NECTIN1: variants seen among roughly 807,000 people sequenced by gnomAD.
The protein encoded by NECTIN1 is nectin-1.
NECTIN1 carries 23 observed loss-of-function variants against 48.0 expected under a neutral mutation model. The observed-to-expected ratio is 0.48, with a 90% confidence interval of 0.34 to 0.68. The LOEUF is 0.68. NECTIN1 is among the 30% of genes least tolerant of loss of function. NECTIN1 has a pLI of 0.01. For synonymous variants in NECTIN1, 270 were observed against 288.9 expected, an observed-to-expected ratio of 0.93 and a Z score of 0.66; for missense variants, 591 against 709.9, an observed-to-expected ratio of 0.83 and a Z score of 1.90.
rs1394055905 is a variant in NECTIN1, at chr11:119,677,163, C to T, written c.790G>A (p.Asp264Asn). 6.2e-7 allele frequency: 1 copy of T among 1,614,028 alleles called. No homozygotes were observed. Among genetic ancestry groups the T allele is most frequent in the Admixed American group, 1.7e-5 (1 of 59,998 alleles). ...TCAGCTTTGCAGGTGAGCTTCACGTCCATCCGCTGCAGGTACCAGTTGCCA... is the reference window on the plus strand; with the variant it reads ...TCAGCTTTGCAGGTGAGCTTCACGTTCATCCGCTGCAGGTACCAGTTGCCA... ...FDGNWYLQRM[D>N]VKLTCKADAN... Residue 264 changes from aspartate (D) to asparagine (N), a missense_variant, in exon 4 of 6, where the codon GAC becomes AAC. Transcript: ENST00000264025. This position sits in a 1 kb window ranked among gnomAD's most constrained non-coding sequence, Gnocchi z 5.4.
At chr11:119,717,057 T>A (rs1591487341) in intron 1 of NECTIN1, among the ~76,000 whole-genome samples, 1 of 152,104 alleles carries the variant, frequency 6.6e-6, no homozygotes, top group Non-Finnish European at 1.5e-5. Context: ...TGAGAGAGGG[T>A]AATGGGGATA....
chr11:119,674,401 A>G, intron 5 of NECTIN1: 2 of 1,514,914 alleles, frequency 1.3e-6, no homozygotes, highest in Non-Finnish European at 1.8e-6. Context: ...ATAATCACGG[A>G]ACATTGGCCA....
At chr11:119,658,671 A>C (rs1308603847), downstream of NECTIN1, among the ~76,000 whole-genome samples, 1 of 152,060 alleles carries the variant, frequency 6.6e-6, no homozygotes, top group Admixed American at 6.6e-5. Flanking sequence ...GCCCCATCTG[A>C]CTCCGACAAC....
chr11:119,699,903 T>C (rs4533046), intron 1 of NECTIN1, among the ~76,000 whole-genome samples: 150,030 of 152,260 alleles, frequency 0.99, 73,947 homozygotes, highest in Middle Eastern at 1. Flanking sequence ...GCTTTCCAGG[T>C]CTAGCTCTGT....
chr11:119,668,847 G>A (rs906689763), intron 5 of NECTIN1, among the ~76,000 whole-genome samples: 1 of 152,190 alleles, frequency 6.6e-6, no homozygotes, highest in African/African-American at 2.4e-5. Flanking sequence ...TCTTCTGCAG[G>A]AATGAGGACA....
intron 1 of NECTIN1, among the ~76,000 whole-genome samples, chr11:119,705,374 A>T (rs538236127): frequency 6.6e-6 from 1 of 152,368 alleles, no homozygotes; most frequent in Admixed American, 6.5e-5. Context: ...TGGCAACCAG[A>T]CAAGAAAGAA....
rs74370577 is a variant in NECTIN1, at chr11:119,646,876, G to C, written c.1004-6864C>G. Among the ~76,000 whole-genome samples, 548 of 152,380 alleles carry C rather than the reference G, an allele frequency of 3.6e-3. 8 individuals carry two copies. Among genetic ancestry groups the C allele is most frequent in the East Asian group, 0.033 (171 of 5,192 alleles). On this transcript the variant is annotated intron_variant, in intron 5 of 7. Transcript: ENST00000341398. ...TGTGAAATGAAATAAGAGCAGGACT[G>C]TTGTCGGCCATGAGTGAGGTAATAC...
chr11:119,671,804 G>A (rs1176897769), intron 5 of NECTIN1, among the ~76,000 whole-genome samples: 1 of 152,200 alleles, frequency 6.6e-6, no homozygotes, highest in African/African-American at 2.4e-5. Context: ...TCGGCAAGCT[G>A]GGGGAGAACC....
At chr11:119,643,923 C>T (rs1274969702) in intron 5 of NECTIN1, among the ~76,000 whole-genome samples, 3 of 152,234 alleles carry the variant, frequency 2.0e-5, no homozygotes, top group Non-Finnish European at 2.9e-5. Flanking sequence ...CTATGTGCCT[C>T]TTGCTGTACT....
At position 119,675,007 on chromosome 11, in the gene NECTIN1, C is replaced by T; in HGVS notation, c.1003+152G>A. 6 of 1,034,510 alleles carry T rather than the reference C, an allele frequency of 5.8e-6. No individual in the cohort carries two copies. The South Asian group carries it at 9.0e-5, about 15-fold the overall frequency. The allele number at this position is 1,034,510 out of a possible 1,614,324, so 64.1% of individuals were successfully genotyped here. ...CCCTTTAATGAAAGAAAGAGAAAAGCAAAGCAAAACCAATGGCCAGAGCTC... is the reference window on the plus strand; with the variant it reads ...CCCTTTAATGAAAGAAAGAGAAAAGTAAAGCAAAACCAATGGCCAGAGCTC... On this transcript the variant is annotated intron_variant, in intron 5 of 5. Coordinates refer to ENST00000264025, the MANE Select transcript of NECTIN1 (RefSeq NM_002855.5).
chr11:119,648,295 G>GTGATGGTGGTGATGGTGATGGTGGTGA (rs779430874), intron 5 of NECTIN1, among the ~76,000 whole-genome samples: 3 of 9,658 alleles, frequency 3.1e-4, no homozygotes, highest in African/African-American at 1.2e-3. Flanking sequence ...GGTGATGGTG[G>GTGATGGTGGTGATGGTGATGGTGGTGA]TGGTGGTGGT....
intron 1 of NECTIN1, among the ~76,000 whole-genome samples, chr11:119,698,819 G>C (rs1865387020): frequency 6.6e-6 from 1 of 152,166 alleles, no homozygotes; most frequent in African/African-American, 2.4e-5. Context: ...GGGTACCCTA[G>C]GATCATGGAC....
At chr11:119,688,879 T>C (rs1263820885) in intron 1 of NECTIN1, among the ~76,000 whole-genome samples, 1 of 150,050 alleles carries the variant, frequency 6.7e-6, no homozygotes, top group East Asian at 2.0e-4. Context: ...TGTCAGAATA[T>C]GGGTTATAGA....
At chr11:119,655,272 T>C (rs892036442) in intron 5 of NECTIN1, among the ~76,000 whole-genome samples, 2 of 151,962 alleles carry the variant, frequency 1.3e-5, no homozygotes, top group Non-Finnish European at 2.9e-5. Context: ...GAGTGGAAGG[T>C]ACAGACAGTC....
At chr11:119,712,167 T>C (rs976374978) in intron 1 of NECTIN1, among the ~76,000 whole-genome samples, 2 of 152,068 alleles carry the variant, frequency 1.3e-5, no homozygotes, top group African/African-American at 2.4e-5. Context: ...GAGAACAGAT[T>C]TGGGGGTTGT....
rs948211589 is a variant in NECTIN1, at chr11:119,727,366, C to T, written c.79+1109G>A. Among the ~76,000 whole-genome samples the T allele has an allele frequency of 6.6e-6, 1 of 152,088 alleles. No individual in the cohort carries two copies. Among genetic ancestry groups the T allele is most frequent in the African/African-American group, 2.4e-5 (1 of 41,386 alleles). On this transcript the variant is annotated intron_variant, in intron 1 of 5. Transcript: ENST00000264025. The surrounding 1 kb of genome is among the most constrained non-coding windows in gnomAD (Gnocchi z 4.1). ...TATTCTGCCACCCCAAGGCGGGGAC[C>T]ACGTGCTCCAGTCAAGATCCGCCCC...
At chr11:119,714,230 C>T (rs563954943) in intron 1 of NECTIN1, among the ~76,000 whole-genome samples, 2 of 152,258 alleles carry the variant, frequency 1.3e-5, no homozygotes, top group South Asian at 2.1e-4. Flanking sequence ...CATGAGCCAC[C>T]TGTGGGGTGG....
intron 1 of NECTIN1, among the ~76,000 whole-genome samples, chr11:119,682,019 T>C (rs1865068053): frequency 6.6e-6 from 1 of 151,510 alleles, no homozygotes; most frequent in African/African-American, 2.4e-5. Flanking sequence ...AGTTCTGGAG[T>C]TGGGAGGTGC....
intron 1 of NECTIN1, among the ~76,000 whole-genome samples, chr11:119,726,635 A>C (rs543493842): frequency 2.0e-5 from 3 of 152,164 alleles, no homozygotes; most frequent in Non-Finnish European, 4.4e-5. Context: ...CTAGCCCCCA[A>C]TGAAGGAATT....
Sources: gnomAD v4.1 joint callset for allele counts (sites outside exome capture counted in the v4.1 genomes callset) on GRCh38, gnomAD v4.1.1 for gene constraint, Gnocchi (gnomAD v3.1) non-coding constraint, MANE v1.5 for transcripts, NCBI Gene and HGNC (gene_info 2026-07-23, HGNC 2026-07-21) for gene names.